APBA2: variants seen among roughly 807,000 people sequenced by gnomAD.
The protein encoded by APBA2 is amyloid beta precursor protein binding family A member 2.
A neutral mutation model predicts 75.0 loss-of-function variants in APBA2; 30 were observed. The observed-to-expected ratio is 0.40, with a 90% CI of 0.30 to 0.54. APBA2 has a LOEUF of 0.54. APBA2 is among the 20% of genes least tolerant of loss of function. The pLI is 0.49. For synonymous variants in APBA2, 444 were observed against 409.6 expected (o/e 1.08, Z -1.01); for missense variants, 801 against 1,016.1 (o/e 0.79, Z 2.88).
At chr15:28,894,773 A>G (rs529813156) in intron 1 of APBA2, among the ~76,000 whole-genome samples, 52 of 152,150 alleles carry the variant, frequency 3.4e-4, no homozygotes, top group Non-Finnish European at 6.0e-4. Flanking sequence ...TCCCTAGCAG[A>G]CAGGTCAGAG....
At chr15:28,958,903 C>T (rs910609582) in intron 2 of APBA2, among the ~76,000 whole-genome samples, 2 of 151,358 alleles carry the variant, frequency 1.3e-5, no homozygotes, top group Admixed American at 1.3e-4. Context: ...GTTTTTAGTA[C>T]TGCTTTGGTG....
intron 2 of APBA2, among the ~76,000 whole-genome samples, chr15:28,925,115 TC>T (rs1566803920): frequency 6.6e-6 from 1 of 152,210 alleles, no homozygotes; most frequent in Non-Finnish European, 1.5e-5. Flanking sequence ...AGATGCTTTT[TC>T]TGCATCAATT....
At position 28,931,133 on chromosome 15, in the gene APBA2, C is replaced by T. The variant is rs1390605212; in HGVS notation, c.-95+9384C>T. On this transcript the variant is annotated intron_variant, in intron 2 of 14. Coordinates refer to ENST00000683413, the MANE Select transcript of APBA2 (RefSeq NM_001353788.2). The stretch of plus-strand genomic sequence containing the variant: ...TGAGGCACAGCCCTTCACGGAAAGT[C>T]CCTGCTCCTCTTCTGGTACCCCGTA... 2.4e-4 allele frequency among the ~76,000 whole-genome samples: 37 copies of T among 152,250 alleles called. 1 individual carries two copies. The highest frequency in any genetic ancestry group is 5.9e-5 in the Non-Finnish European group (4 of 68,040).
At chr15:28,922,346 G>T (rs753135150) in intron 2 of APBA2, among the ~76,000 whole-genome samples, 6 of 152,178 alleles carry the variant, frequency 3.9e-5, no homozygotes, top group Non-Finnish European at 8.8e-5. Context: ...CCTCCCCAGG[G>T]GCAGCAGCAG....
At chr15:28,888,961 T>C (rs1441914850) in intron 1 of APBA2, among the ~76,000 whole-genome samples, 1 of 151,776 alleles carries the variant, frequency 6.6e-6, no homozygotes, top group Non-Finnish European at 1.5e-5. Flanking sequence ...CGGTGGGGGC[T>C]GGGGGTGAAG....
chr15:29,071,526 C>T (rs1377500934), intron 4 of APBA2, among the ~76,000 whole-genome samples: 1 of 150,664 alleles, frequency 6.6e-6, no homozygotes, highest in African/African-American at 2.5e-5. Flanking sequence ...CCCTGGCTGG[C>T]ATCTTGTTTT....
chr15:29,020,123 G>A (rs920395534), intron 3 of APBA2, among the ~76,000 whole-genome samples: 4 of 152,038 alleles, frequency 2.6e-5, no homozygotes, highest in Admixed American at 1.3e-4. Context: ...GGGGTTATTC[G>A]TCTTTTTCTT....
chr15:28,988,131 A>G (rs1318205825), intron 2 of APBA2, among the ~76,000 whole-genome samples: 1 of 152,194 alleles, frequency 6.6e-6, no homozygotes. Context: ...TCTTTCACAC[A>G]GAGGTAACTA....
intron 2 of APBA2, among the ~76,000 whole-genome samples, chr15:28,941,138 A>G (rs1358010537): frequency 6.6e-6 from 1 of 152,222 alleles, no homozygotes; most frequent in Non-Finnish European, 1.5e-5. Context: ...TGAAATATAT[A>G]TCCTGCTTTT....
At chr15:28,948,562 T>A (rs1319569328) in intron 2 of APBA2, among the ~76,000 whole-genome samples, 1 of 152,194 alleles carries the variant, frequency 6.6e-6, no homozygotes, top group African/African-American at 2.4e-5. Flanking sequence ...CTTCACTGGC[T>A]GTCAGAGCCA....
intron 2 of APBA2, among the ~76,000 whole-genome samples, chr15:28,987,909 C>T (rs1438935335): frequency 6.6e-6 from 1 of 151,458 alleles, no homozygotes; most frequent in Non-Finnish European, 1.5e-5. Flanking sequence ...AGGCACACAC[C>T]ACCACACCTG....
chr15:28,947,827 T>G (rs2035630016), intron 2 of APBA2, among the ~76,000 whole-genome samples: 1 of 152,188 alleles, frequency 6.6e-6, no homozygotes, highest in Non-Finnish European at 1.5e-5. Context: ...ATTTATGGGT[T>G]TTTCCTCTAA....
At position 29,117,185 on chromosome 15, in the gene APBA2, C is replaced by G; in HGVS notation, c.*52C>G. On this transcript the variant is annotated 3_prime_UTR_variant, in exon 15 of 15. Coordinates refer to ENST00000683413, the MANE Select transcript of APBA2 (RefSeq NM_001353788.2). ...GGACACCGGGCAGGGCCGCCCGGGC[C>G]CAGAGGAGCTGGGAGCCGGGCCGCA... 1 of 1,573,506 alleles carries G rather than the reference C, an allele frequency of 6.4e-7. No individual in the cohort carries two copies. The highest frequency in any genetic ancestry group is 8.7e-7 in the Non-Finnish European group (1 of 1,144,888).
intron 4 of APBA2, among the ~76,000 whole-genome samples, chr15:29,069,845 A>G (rs2042542626): frequency 6.6e-6 from 1 of 152,264 alleles, no homozygotes; most frequent in Non-Finnish European, 1.5e-5. Flanking sequence ...ATGCAGTGAC[A>G]AGTTTAGATA....
intron 1 of APBA2, among the ~76,000 whole-genome samples, chr15:28,897,297 A>G (rs1229585972): frequency 6.6e-6 from 1 of 151,958 alleles, no homozygotes; most frequent in East Asian, 1.9e-4. Context: ...ACCATTCCAC[A>G]CCCACCAGAA....
chr15:28,917,360 C>T (rs2033732321), intron 1 of APBA2, among the ~76,000 whole-genome samples: 1 of 152,192 alleles, frequency 6.6e-6, no homozygotes, highest in Admixed American at 6.5e-5. Context: ...CCCTCCAGGG[C>T]TCCTTCCTAG....
At chr15:29,056,636 CCTCTCTCTCTCTCT>C (rs147310000) in intron 4 of APBA2, among the ~76,000 whole-genome samples, 28 of 96,300 alleles carry the variant, frequency 2.9e-4, no homozygotes, top group African/African-American at 1.4e-3. Flanking sequence ...CTCCCTCCCT[CCTCTCTCTCTCTCT>C]CTCTCTCTCT....
At chr15:29,107,234 G>A (rs1485875368) in intron 12 of APBA2, among the ~76,000 whole-genome samples, 2 of 152,204 alleles carry the variant, frequency 1.3e-5, no homozygotes, top group Non-Finnish European at 2.9e-5. Context: ...TGCATGGGTT[G>A]GGTTCTGGGA....
intron 2 of APBA2, among the ~76,000 whole-genome samples, chr15:28,967,265 A>G (rs2036788520): frequency 6.6e-6 from 1 of 152,184 alleles, no homozygotes; most frequent in Non-Finnish European, 1.5e-5. Flanking sequence ...GTGTATTCAC[A>G]GAGTTTTGAA....
Sources: gnomAD v4.1 joint callset for allele counts (sites outside exome capture counted in the v4.1 genomes callset) on GRCh38, gnomAD v4.1.1 for gene constraint, MANE v1.5 for transcripts, NCBI Gene and HGNC (gene_info 2026-07-23, HGNC 2026-07-21) for gene names.